Variants in JMJD1C observed in about 807,000 individuals in gnomAD.
JMJD1C encodes the protein jumonji domain-containing protein 1C.
In JMJD1C, 31 loss-of-function variants were observed where a neutral mutation model predicts 245.3. The observed-to-expected ratio is 0.13, with a 90% CI of 0.09 to 0.17. The LOEUF is 0.17. Ranked by LOEUF, JMJD1C falls within the 10% of genes least tolerant of loss-of-function variation. The probability of loss-of-function intolerance (pLI) is 1.00; values close to 1 mark genes in which losing one functional copy is unlikely to be tolerated. For synonymous variants in JMJD1C, 1,057 were observed against 1,017.4 expected (o/e 1.04, Z -0.74); for missense variants, 2,691 against 3,000.2 (o/e 0.90, Z 2.41).
rs971009104 is a variant in JMJD1C, at chr10:63,450,886, T to G, written c.168+14609A>C. On this transcript the variant is annotated intron_variant, in intron 1 of 25. Coordinates refer to ENST00000399262, the MANE Select transcript of JMJD1C (RefSeq NM_032776.3). ...CCTCTGTTCAAATGACATAATTTGT[T>G]ATGTACAAAACCCTAACAATTTCAC... is the stretch of plus-strand genomic sequence containing the variant. Among the ~76,000 whole-genome samples the G allele has an allele frequency of 2.0e-5, 3 of 150,728 alleles. No homozygotes were observed. In the Admixed American group the frequency reaches 2.0e-4, roughly 10 times the overall value.
At chr10:63,469,761 C>T (rs1364728693), upstream of JMJD1C, among the ~76,000 whole-genome samples, 1 of 152,048 alleles carries the variant, frequency 6.6e-6, no homozygotes, top group East Asian at 1.9e-4. Context: ...TAATGGACTG[C>T]GTTTATGAAG....
chr10:63,355,906 G>A (rs938617963), intron 2 of JMJD1C, among the ~76,000 whole-genome samples: 10 of 152,106 alleles, frequency 6.6e-5, no homozygotes, highest in African/African-American at 1.4e-4. Flanking sequence ...AACCACAATC[G>A]AGCTGAAATA....
At chr10:63,262,993 C>T (rs534840669) in intron 3 of JMJD1C, among the ~76,000 whole-genome samples, 3 of 152,236 alleles carry the variant, frequency 2.0e-5, no homozygotes, top group South Asian at 4.1e-4. Flanking sequence ...GCTAATAATA[C>T]AACCACAGAA....
intron 2 of JMJD1C, among the ~76,000 whole-genome samples, chr10:63,277,216 C>T (rs1856874816): frequency 6.7e-6 from 1 of 149,064 alleles, no homozygotes. Flanking sequence ...TTTTTTTAAT[C>T]AATGTTGACC....
chr10:63,280,453 G>A (rs1399026707), intron 2 of JMJD1C, among the ~76,000 whole-genome samples: 1 of 152,160 alleles, frequency 6.6e-6, no homozygotes, highest in Non-Finnish European at 1.5e-5. Context: ...GGGAGGCTGA[G>A]GCAGGAGAAT....
intron 2 of JMJD1C, among the ~76,000 whole-genome samples, chr10:63,278,340 A>G (rs1238834064): frequency 9.1e-6 from 1 of 110,104 alleles, no homozygotes; most frequent in African/African-American, 3.2e-5. Flanking sequence ...ACAACAATTA[A>G]AAGAGAATAA....
Position 63,214,633 on chromosome 10 carries a change from T to C in JMJD1C, c.1534A>G (p.Ile512Val), listed in dbSNP as rs771024987. Reference sequence around the variant, plus strand: ...TTTTCTAAATTAGTGTCATTTGTAATATCAATAACACATTTTGGTGTGGGT... The same window carrying C: ...TTTTCTAAATTAGTGTCATTTGTAACATCAATAACACATTTTGGTGTGGGT... Reference protein sequence around the residue: ...RPPTPKCVIDITNDTNLEKVA... With the variant: ...RPPTPKCVIDVTNDTNLEKVA... The change falls in exon 8 of 26, where the codon ATT becomes GTT. Residue 512 changes from isoleucine to valine, a missense_variant. Ile to Val is a conservative substitution (Grantham distance 29, BLOSUM62 3). Around this residue, in one of 9 missense-constraint regions of JMJD1C, gnomAD observed 1,562 missense variants for 1,490.7 expected, o/e 1.05. Transcript: ENST00000399262. The C allele has an allele frequency of 6.7e-5, 108 of 1,614,054 alleles. No homozygotes were observed. The highest frequency in any genetic ancestry group is 8.6e-5 in the Non-Finnish European group (102 of 1,180,018).
At chr10:63,390,819 C>G (rs986498188) in intron 1 of JMJD1C, among the ~76,000 whole-genome samples, 3 of 152,128 alleles carry the variant, frequency 2.0e-5, no homozygotes, top group Non-Finnish European at 4.4e-5. Flanking sequence ...AAACTCTCAA[C>G]ATTCTAAGCA....
intron 2 of JMJD1C, among the ~76,000 whole-genome samples, chr10:63,276,037 T>C (rs1437640746): frequency 2.0e-5 from 3 of 152,220 alleles, no homozygotes; most frequent in African/African-American, 7.2e-5. Flanking sequence ...AACAATACTA[T>C]GAACGTCTTC....
chr10:63,406,630 AT>A (rs1465235250), intron 1 of JMJD1C, among the ~76,000 whole-genome samples: 3 of 151,782 alleles, frequency 2.0e-5, no homozygotes, highest in South Asian at 4.2e-4. Flanking sequence ...CCAACACTAG[AT>A]TTTTTTTTAA....
chr10:63,203,195 T>C (rs1273683354), intron 10 of JMJD1C: 3 of 984,750 alleles, frequency 3.0e-6, no homozygotes, highest in Non-Finnish European at 3.6e-6. Flanking sequence ...TGCAACTAAC[T>C]CCTTTTATGA....
intron 3 of JMJD1C, chr10:63,222,068 C>G (rs755440042): frequency 2.2e-4 from 106 of 482,774 alleles, no homozygotes; most frequent in Non-Finnish European, 3.6e-4. Context: ...TTTCAGATAT[C>G]TCTGACAGCA....
chr10:63,325,058 A>AT (rs1941352836), intron 2 of JMJD1C, among the ~76,000 whole-genome samples: 1 of 152,314 alleles, frequency 6.6e-6, no homozygotes, highest in East Asian at 1.9e-4. Flanking sequence ...CAGATATCTG[A>AT]TTTTGTAAGC....
intron 11 of JMJD1C, 68 bp from the exon 12 acceptor site, chr10:63,198,795 G>T (rs1318625422): frequency 2.3e-6 from 2 of 862,888 alleles, no homozygotes; most frequent in Admixed American, 2.8e-5. Flanking sequence ...CTTTAAAATT[G>T]TAAATTTATA....
At chr10:63,477,553 CAAA>C (rs34332584) in intron 1 of JMJD1C, among the ~76,000 whole-genome samples, 23 of 126,664 alleles carry the variant, frequency 1.8e-4, no homozygotes, top group Non-Finnish European at 2.6e-4. Flanking sequence ...ATCCATATGT[CAAA>C]AAAAAAAAAA....
At position 63,207,746 on chromosome 10, in the gene JMJD1C, C is replaced by T. The variant is rs368940089; in HGVS notation, c.3923G>A (p.Arg1308His). 22 of 1,614,042 alleles carry T rather than the reference C, an allele frequency of 1.4e-5. No homozygotes were observed. The highest frequency in any genetic ancestry group is 4.5e-5 in the East Asian group (2 of 44,898). The change falls in exon 10 of 26, where the codon CGT (arginine) becomes CAT (histidine). Residue 1308 changes from arginine (R) to histidine (H), a missense_variant. Physicochemically the swap from Arg to His is conservative, Grantham distance 29 (BLOSUM62 0). This residue lies in a region of JMJD1C where 1,562 missense variants were observed against 1,490.7 expected (regional missense o/e 1.05). Coordinates refer to ENST00000399262, the MANE Select transcript of JMJD1C (RefSeq NM_032776.3). The stretch of plus-strand genomic sequence containing the variant: ...ATCAGTTTTTGTACTAGAAGATGGA[C>T]GCACAATGACAGATGCCATAGCAGC... ...LQAAMASVIV[R>H]PSSSTKTDSM...
chr10:63,298,247 G>T (rs1859670814), intron 2 of JMJD1C, among the ~76,000 whole-genome samples: 2 of 152,190 alleles, frequency 1.3e-5, no homozygotes, highest in African/African-American at 2.4e-5. Context: ...AGCCTGCCAG[G>T]CCAAGTAGGC....
chr10:63,175,131 A>C (rs1842763002), intron 24 of JMJD1C, among the ~76,000 whole-genome samples: 1 of 152,212 alleles, frequency 6.6e-6, no homozygotes, highest in African/African-American at 2.4e-5. Context: ...CCTATGTACA[A>C]AAAGATTTAT....
chr10:63,457,982 G>C (rs967687022), intron 1 of JMJD1C, among the ~76,000 whole-genome samples: 4 of 152,064 alleles, frequency 2.6e-5, no homozygotes, highest in African/African-American at 9.7e-5. Flanking sequence ...TACAATATAA[G>C]ATAAATCAAC....
Sources: gnomAD v4.1 joint callset for allele counts (sites outside exome capture counted in the v4.1 genomes callset) on GRCh38, gnomAD v4.1.1 for gene constraint, gnomAD v4.1.1 regional missense constraint, MANE v1.5 for transcripts, NCBI Gene and HGNC (gene_info 2026-07-23, HGNC 2026-07-21) for gene names.